HNF4G: variants seen among roughly 807,000 people sequenced by gnomAD.
HNF4G encodes hepatocyte nuclear factor 4-gamma.
Under a neutral mutation model 50.9 loss-of-function variants are expected in HNF4G, and 21 were observed. The observed-to-expected ratio is 0.41, with a 90% CI of 0.29 to 0.59. The LOEUF (loss-of-function observed/expected upper bound fraction) is 0.59. Among genes scored for constraint, HNF4G ranks in the 20% least tolerant of loss-of-function variants. The probability of loss-of-function intolerance (pLI) is 0.26; values close to 1 mark genes in which losing one functional copy is unlikely to be tolerated. For missense variants in HNF4G, 527 were observed against 559.4 expected, an observed-to-expected ratio of 0.94 and a Z score of 0.58; for synonymous variants, 198 against 185.6, an observed-to-expected ratio of 1.07 and a Z score of -0.54.
rs1427260487 is a variant in HNF4G at position 75,506,842 on chromosome 8, G to GATC, written c.-24+16639_-24+16641dup. Among the ~76,000 whole-genome samples, 11 of 132,222 alleles carry GATC rather than the reference G, an allele frequency of 8.3e-5. No individual in the cohort carries two copies. In the South Asian group the frequency reaches 1.9e-3, roughly 22 times the overall value. The allele number at this position is 132,222 out of a possible 152,430, so 86.7% of individuals were successfully genotyped here. On this transcript the variant is annotated intron_variant, in intron 2 of 10. Transcript: ENST00000354370. ...GGCTAGGTAAAGTGCTTTTGTGGCA[G>GATC]ATCATCAACAACAACAACAACAACA... is the stretch of plus-strand genomic sequence containing the variant.
chr8:75,468,129 CCA>C (rs1812027169), intron 1 of HNF4G, among the ~76,000 whole-genome samples: 1 of 152,148 alleles, frequency 6.6e-6, no homozygotes, highest in Admixed American at 6.5e-5. Flanking sequence ...AATATATCTT[CCA>C]CTATTCCAAT....
intron 1 of HNF4G, among the ~76,000 whole-genome samples, chr8:75,410,926 A>G (rs953160756): frequency 6.6e-6 from 1 of 152,200 alleles, no homozygotes; most frequent in Non-Finnish European, 1.5e-5. Flanking sequence ...ATACGCACGC[A>G]CACACACATA....
intron 1 of HNF4G, among the ~76,000 whole-genome samples, chr8:75,447,647 G>T (rs1563510273): frequency 1.3e-5 from 2 of 152,064 alleles, no homozygotes; most frequent in Non-Finnish European, 2.9e-5. Context: ...CTTCTCAAAA[G>T]AATACATTTA....
At chr8:75,508,751 T>A (rs1439769298) in intron 2 of HNF4G, among the ~76,000 whole-genome samples, 1 of 152,034 alleles carries the variant, frequency 6.6e-6, no homozygotes, top group Non-Finnish European at 1.5e-5. Flanking sequence ...AAACATGAGC[T>A]GAGAAGTTCA....
intron 2 of HNF4G, among the ~76,000 whole-genome samples, chr8:75,512,664 CT>C (rs1805789947): frequency 6.6e-6 from 1 of 151,922 alleles, no homozygotes; most frequent in African/African-American, 2.4e-5. Flanking sequence ...TGGGGTTTCA[CT>C]GTGTTAGCCA....
intron 1 of HNF4G, among the ~76,000 whole-genome samples, chr8:75,446,686 T>C (rs1271334827): frequency 1.4e-5 from 1 of 71,004 alleles, no homozygotes; most frequent in East Asian, 3.9e-4. Flanking sequence ...TCACAATTGC[T>C]TCAAAGAGAA....
intron 6 of HNF4G, among the ~76,000 whole-genome samples, chr8:75,557,746 G>A (rs1807175404): frequency 6.6e-6 from 1 of 152,108 alleles, no homozygotes; most frequent in Non-Finnish European, 1.5e-5. Context: ...GTTACCCTGA[G>A]GATTGTCTTT....
intron 1 of HNF4G, among the ~76,000 whole-genome samples, chr8:75,442,251 T>C (rs1395864432): frequency 6.6e-6 from 1 of 152,158 alleles, no homozygotes; most frequent in Non-Finnish European, 1.5e-5. Context: ...AAATTACTGT[T>C]CATTCTCTAC....
At chr8:75,441,197 C>T (rs1811273212) in intron 1 of HNF4G, among the ~76,000 whole-genome samples, 1 of 150,840 alleles carries the variant, frequency 6.6e-6, no homozygotes, top group African/African-American at 2.4e-5. Context: ...ATGAGAGCTA[C>T]CTTGTAACAA....
intron 1 of HNF4G, among the ~76,000 whole-genome samples, chr8:75,423,859 C>G (rs1334072651): frequency 9.5e-6 from 1 of 105,780 alleles, no homozygotes; most frequent in Non-Finnish European, 1.7e-5. Flanking sequence ...GAGTCTCGCT[C>G]TGTCTCCAGG....
chr8:75,498,135 C>A (rs1012732836), intron 2 of HNF4G, among the ~76,000 whole-genome samples: 4 of 151,936 alleles, frequency 2.6e-5, no homozygotes, highest in African/African-American at 9.7e-5. Flanking sequence ...AATCAAATTT[C>A]TCTAAATAAA....
At chr8:75,555,613 T>G (rs78380481) in intron 5 of HNF4G, among the ~76,000 whole-genome samples, 8,164 of 152,164 alleles carry the variant, frequency 0.054, 284 homozygotes, top group Non-Finnish European at 0.08. Flanking sequence ...TGAAAACAAA[T>G]GAGTAAGTTC....
At chr8:75,439,261 A>G (rs1418770960) in intron 1 of HNF4G, among the ~76,000 whole-genome samples, 5 of 152,184 alleles carry the variant, frequency 3.3e-5, no homozygotes, top group Non-Finnish European at 4.4e-5. Context: ...GGTGGATGCC[A>G]TAATTATTTA....
Position 75,509,956 on chromosome 8 carries a change from G to A in HNF4G, c.-24+19748G>A, listed in dbSNP as rs73347020. On this transcript the variant is annotated intron_variant, in intron 2 of 10. Coordinates refer to the HNF4G transcript ENST00000354370. ...TTAGATTGTACTTCTACTTATTAAA[G>A]AAAAATTACTATAAAAGAGCCTCAG... Among the ~76,000 whole-genome samples the A allele has an allele frequency of 7.7e-3, 1,167 of 152,168 alleles. 12 individuals carry two copies. The highest frequency in any genetic ancestry group is 0.027 in the African/African-American group (1,109 of 41,496).
chr8:75,497,701 A>G (rs1812810067), intron 2 of HNF4G, among the ~76,000 whole-genome samples: 1 of 152,094 alleles, frequency 6.6e-6, no homozygotes, highest in Non-Finnish European at 1.5e-5. Context: ...TCAAAAAAAA[A>G]AAATAGATAA....
At position 75,488,040 on chromosome 8, in the gene HNF4G, C is replaced by T. The variant is rs144803379; in HGVS notation, c.-143-2049C>T. On this transcript the variant is annotated intron_variant, in intron 1 of 10. Coordinates refer to the HNF4G transcript ENST00000354370. ...GTAACCATCCCTATGATTCAATTACCTCCCACCAGATCCCTCCCATGACAT... is the reference window on the plus strand; with the variant it reads ...GTAACCATCCCTATGATTCAATTACTTCCCACCAGATCCCTCCCATGACAT... Among the ~76,000 whole-genome samples the T allele has an allele frequency of 4.6e-3, 702 of 152,286 alleles. 6 individuals are homozygous for T. Among genetic ancestry groups the T allele is most frequent in the African/African-American group, 0.016 (674 of 41,570 alleles).
chr8:75,479,769 A>T (rs1351235656), intron 1 of HNF4G, among the ~76,000 whole-genome samples: 2 of 152,144 alleles, frequency 1.3e-5, no homozygotes, highest in South Asian at 2.1e-4. Flanking sequence ...AATATGAAAA[A>T]AAAAGAACAT....
chr8:75,467,200 C>T (rs905783698), intron 1 of HNF4G, among the ~76,000 whole-genome samples: 2 of 152,152 alleles, frequency 1.3e-5, no homozygotes, highest in African/African-American at 4.8e-5. Flanking sequence ...AGTTTCTCTA[C>T]TAAAGCATTT....
At chr8:75,562,945 G>A (rs1563557294) in intron 9 of HNF4G, among the ~76,000 whole-genome samples, 1 of 152,066 alleles carries the variant, frequency 6.6e-6, no homozygotes, top group Non-Finnish European at 1.5e-5. Context: ...TTTTGATATT[G>A]ATTTGTCATT....
Sources: allele counts gnomAD v4.1 joint callset (sites outside exome capture counted in the v4.1 genomes callset), GRCh38; gene constraint gnomAD v4.1.1; transcripts MANE v1.5; gene names NCBI Gene and HGNC (gene_info 2026-07-23, HGNC 2026-07-21).